Variants in CRB1 observed in about 807,000 individuals in gnomAD.
CRB1 encodes crumbs cell polarity complex component 1, also known as protein crumbs homolog 1.
Under a neutral mutation model 120.0 loss-of-function variants are expected in CRB1, and 83 were observed. The ratio of observed to expected loss-of-function variants is 0.69; its 90% CI spans 0.58 to 0.83. CRB1 has a LOEUF of 0.83. Among genes scored for constraint, CRB1 ranks in the 40% least tolerant of loss-of-function variants. The probability of loss-of-function intolerance (pLI) is 0.00; values close to 1 mark genes in which losing one functional copy is unlikely to be tolerated. For missense variants in CRB1, 1,699 were observed against 1,687.6 expected (o/e 1.01, Z -0.12); for synonymous variants, 625 against 612.5 (o/e 1.02, Z -0.30).
chr1:197,300,036 TG>T (rs1442235193), intron 1 of CRB1, among the ~76,000 whole-genome samples: 1 of 152,000 alleles, frequency 6.6e-6, no homozygotes, highest in Non-Finnish European at 1.5e-5. Context: ...CATGCCCATA[TG>T]GCAACCAACT....
chr1:197,476,196 C>T (rs1049010235), intron 11 of CRB1, among the ~76,000 whole-genome samples: 7 of 152,064 alleles, frequency 4.6e-5, no homozygotes, highest in African/African-American at 1.7e-4. Context: ...AGATATGAGC[C>T]ACCGAGATTG....
intron 5 of CRB1, among the ~76,000 whole-genome samples, chr1:197,402,268 C>T (rs1663104169): frequency 1.3e-5 from 2 of 152,136 alleles, no homozygotes; most frequent in Admixed American, 6.5e-5. Flanking sequence ...TTCATGAGTT[C>T]TCATCATTTA....
intron 4 of CRB1, among the ~76,000 whole-genome samples, chr1:197,351,003 G>A (rs915919054): frequency 6.6e-6 from 1 of 151,894 alleles, no homozygotes; most frequent in African/African-American, 2.4e-5. Flanking sequence ...AACGGAAGGA[G>A]AAGAGGAAAG....
At chr1:197,337,847 T>G (rs963260192) in intron 2 of CRB1, among the ~76,000 whole-genome samples, 8 of 152,106 alleles carry the variant, frequency 5.3e-5, no homozygotes, top group South Asian at 2.1e-4. Context: ...GAATTCAACT[T>G]CTAAAATGGC....
the CRB1 span, among the ~76,000 whole-genome samples, chr1:197,254,414 T>G: frequency 6.6e-6 from 1 of 152,126 alleles, no homozygotes; most frequent in African/African-American, 2.4e-5. Context: ...TTGATGTCAC[T>G]GATGACAACC....
intron 5 of CRB1, among the ~76,000 whole-genome samples, chr1:197,375,177 G>A (rs1661580154): frequency 6.6e-6 from 1 of 152,262 alleles, no homozygotes; most frequent in South Asian, 2.1e-4. Flanking sequence ...GAATGAGTTA[G>A]CCTGTTACTG....
chr1:197,301,463 G>A (rs1212828998), intron 1 of CRB1, among the ~76,000 whole-genome samples: 1 of 152,102 alleles, frequency 6.6e-6, no homozygotes, highest in Non-Finnish European at 1.5e-5. Context: ...ACCACACCCG[G>A]CTTCAAGTCT....
the CRB1 span, among the ~76,000 whole-genome samples, chr1:197,225,661 C>T: frequency 2.6e-5 from 4 of 152,332 alleles, no homozygotes; most frequent in East Asian, 7.7e-4. Context: ...TTACTCTTTT[C>T]CACTACCTGC....
intron 11 of CRB1, among the ~76,000 whole-genome samples, chr1:197,459,252 G>A (rs1666419698): frequency 6.6e-6 from 1 of 152,098 alleles, no homozygotes; most frequent in South Asian, 2.1e-4. Context: ...TGTGATTTAG[G>A]TATATGCCAT....
At chr1:197,262,337 T>G in the CRB1 span, among the ~76,000 whole-genome samples, 5 of 152,148 alleles carry the variant, frequency 3.3e-5, no homozygotes, top group African/African-American at 1.2e-4. Flanking sequence ...AAACTGTACC[T>G]TCTATTTTTG....
intron 5 of CRB1, among the ~76,000 whole-genome samples, chr1:197,366,394 C>G (rs947507412): frequency 6.6e-6 from 1 of 152,022 alleles, no homozygotes; most frequent in African/African-American, 2.4e-5. Flanking sequence ...ACTGACAGCT[C>G]CATTCAAAAG....
At chr1:197,399,935 C>T (rs1228730376) in intron 5 of CRB1, among the ~76,000 whole-genome samples, 1 of 152,156 alleles carries the variant, frequency 6.6e-6, no homozygotes, top group Non-Finnish European at 1.5e-5. Flanking sequence ...TACATAATCA[C>T]TGAAGTGATA....
chr1:197,318,204 A>G (rs1001842670), intron 1 of CRB1, among the ~76,000 whole-genome samples: 9 of 152,222 alleles, frequency 5.9e-5, no homozygotes, highest in African/African-American at 2.2e-4. Flanking sequence ...ATTTCTCAAA[A>G]GAAGATATAC....
the CRB1 span, among the ~76,000 whole-genome samples, chr1:197,212,697 A>C: frequency 6.6e-6 from 1 of 152,184 alleles, no homozygotes; most frequent in Non-Finnish European, 1.5e-5. Flanking sequence ...CAGGGTGTAC[A>C]TATGTCATAA....
the CRB1 span, among the ~76,000 whole-genome samples, chr1:197,239,250 T>C: frequency 3.3e-5 from 5 of 152,176 alleles, no homozygotes; most frequent in Non-Finnish European, 7.4e-5. Context: ...TTGTTGAGTT[T>C]ATTCTAGATT....
At chr1:197,252,637 T>TAC in the CRB1 span, among the ~76,000 whole-genome samples, 1,942 of 120,698 alleles carry the variant, frequency 0.016, 34 homozygotes, top group African/African-American at 0.023. Flanking sequence ...GTGTTTATAT[T>TAC]ACACACACAC....
At chr1:197,469,379 A>G (rs1050397684) in intron 11 of CRB1, among the ~76,000 whole-genome samples, 1 of 152,140 alleles carries the variant, frequency 6.6e-6, no homozygotes, top group Non-Finnish European at 1.5e-5. Flanking sequence ...AAAAGTGTGT[A>G]GAGAATAGAT....
At chr1:197,353,658 G>T (rs867056047) in intron 4 of CRB1, among the ~76,000 whole-genome samples, 1 of 151,640 alleles carries the variant, frequency 6.6e-6, no homozygotes, top group Non-Finnish European at 1.5e-5. Context: ...AAAATTAGCC[G>T]GGCATGGTGG....
chr1:197,413,811 TC>T, intron 5 of CRB1: 1 of 397,990 alleles, frequency 2.5e-6, no homozygotes, highest in South Asian at 1.9e-5. Context: ...CAAAACCAAG[TC>T]CCCATACTCT....
Sources: allele counts gnomAD v4.1 joint callset (sites outside exome capture counted in the v4.1 genomes callset), GRCh38; gene constraint gnomAD v4.1.1; transcripts MANE v1.5; gene names NCBI Gene and HGNC (gene_info 2026-07-23, HGNC 2026-07-21).